The following XIRP2 variants were observed in gnomAD, a reference collection of about 807,000 sequenced individuals.
XIRP2 encodes xin actin binding repeat containing 2.
Under a neutral mutation model 277.0 loss-of-function variants are expected in XIRP2, and 236 were observed. The observed-to-expected ratio is 0.85, with a 90% CI of 0.77 to 0.95. XIRP2 has a LOEUF of 0.95. Among genes scored for constraint, XIRP2 ranks in the 40% least tolerant of loss-of-function variants. The pLI is 0.00. For missense variants in XIRP2, 4,640 were observed against 4,157.5 expected (o/e 1.12, Z -3.19); for synonymous variants, 1,490 against 1,416.5 (o/e 1.05, Z -1.17).
chr2:167,024,166 C>T (rs1306416103), intron 2 of XIRP2, among the ~76,000 whole-genome samples: 1 of 152,134 alleles, frequency 6.6e-6, no homozygotes, highest in Non-Finnish European at 1.5e-5. Flanking sequence ...AAAGGTCCCT[C>T]ACGTCCCTTT....
chr2:167,025,798 G>T (rs1340117838), intron 2 of XIRP2, among the ~76,000 whole-genome samples: 2 of 152,102 alleles, frequency 1.3e-5, no homozygotes, highest in Admixed American at 1.3e-4. Flanking sequence ...GTTCTAGTTT[G>T]CTTGCACTGT....
chr2:166,926,516 C>G (rs4667938), intron 2 of XIRP2, among the ~76,000 whole-genome samples: 14,236 of 152,166 alleles, frequency 0.094, 964 homozygotes, highest in Admixed American at 0.19. Flanking sequence ...CCTCAATAAT[C>G]TCTGCCTTTA....
chr2:166,986,813 G>C (rs989162338), intron 2 of XIRP2, among the ~76,000 whole-genome samples: 1 of 152,180 alleles, frequency 6.6e-6, no homozygotes, highest in Non-Finnish European at 1.5e-5. Flanking sequence ...TTATACCAGA[G>C]GATGCACAGC....
At chr2:167,169,680 T>C (rs1379132130) in intron 3 of XIRP2, among the ~76,000 whole-genome samples, 1 of 152,198 alleles carries the variant, frequency 6.6e-6, no homozygotes, top group Non-Finnish European at 1.5e-5. Context: ...TGCTTTTAAG[T>C]GGTAAAGTTT....
Position 167,250,887 on chromosome 2 carries a change from T to C in XIRP2, c.9495T>C (p.Ile3165=). 1.2e-6 allele frequency: 2 copies of C among 1,613,268 alleles called. No homozygotes were observed. Among genetic ancestry groups the C allele is most frequent in the South Asian group, 2.2e-5 (2 of 91,036 alleles). ...GGCCCATGTCGCAAAAATCTGAAAT[T>C]CACAGAGCAAACACTTCCCCTTCTC... The part of the protein sequence containing the change: ...PRRPMSQKSE[I]HRANTSPSPP... The change falls in exon 9 of 11, where the codon ATT becomes ATC. Residue 3165 remains isoleucine, a synonymous_variant. Coordinates refer to ENST00000409195, the MANE Select transcript of XIRP2 (RefSeq NM_152381.6).
At chr2:166,996,116 G>A (rs1687214678) in intron 2 of XIRP2, among the ~76,000 whole-genome samples, 1 of 152,086 alleles carries the variant, frequency 6.6e-6, no homozygotes, top group Non-Finnish European at 1.5e-5. Flanking sequence ...TGAGGGCAAG[G>A]GTTGAATCTT....
intron 2 of XIRP2, among the ~76,000 whole-genome samples, chr2:167,045,221 C>T (rs1016114055): frequency 2.6e-5 from 4 of 151,878 alleles, no homozygotes; most frequent in Non-Finnish European, 5.9e-5. Context: ...GAAACTAGAC[C>T]TCCTCCTTTC....
At chr2:166,941,602 A>G (rs1029476449) in intron 2 of XIRP2, among the ~76,000 whole-genome samples, 7 of 152,196 alleles carry the variant, frequency 4.6e-5, no homozygotes, top group Non-Finnish European at 8.8e-5. Flanking sequence ...CTGCCAGCCT[A>G]TCATTCTTAA....
chr2:166,975,563 G>C (rs936764308), intron 2 of XIRP2, among the ~76,000 whole-genome samples: 13 of 152,138 alleles, frequency 8.5e-5, no homozygotes, highest in African/African-American at 3.1e-4. Flanking sequence ...GGGGTCAACA[G>C]TGGATTTTCT....
chr2:167,201,088 C>T (rs111486058), intron 3 of XIRP2, among the ~76,000 whole-genome samples: 39,012 of 149,476 alleles, frequency 0.26, 8,277 homozygotes, highest in African/African-American at 0.59. Context: ...ATCATGCCAC[C>T]GCACTCCAAC....
chr2:166,960,578 T>C (rs1291765229), intron 2 of XIRP2, among the ~76,000 whole-genome samples: 1 of 151,704 alleles, frequency 6.6e-6, no homozygotes, highest in Non-Finnish European at 1.5e-5. Context: ...TTTCAGGAGT[T>C]CACTTCAATT....
intron 2 of XIRP2, among the ~76,000 whole-genome samples, chr2:167,122,688 T>C (rs1344761803): frequency 1.3e-5 from 2 of 152,184 alleles, no homozygotes; most frequent in Non-Finnish European, 2.9e-5. Context: ...CTACTTAGTG[T>C]ACTTGTGAGC....
At chr2:167,009,951 G>T (rs1197683378) in intron 2 of XIRP2, among the ~76,000 whole-genome samples, 1 of 152,072 alleles carries the variant, frequency 6.6e-6, no homozygotes, top group Non-Finnish European at 1.5e-5. Flanking sequence ...GTTCATTATA[G>T]ATTCTGGATA....
intron 2 of XIRP2, among the ~76,000 whole-genome samples, chr2:166,977,686 G>T (rs1686751382): frequency 6.6e-6 from 1 of 152,148 alleles, no homozygotes; most frequent in African/African-American, 2.4e-5. Flanking sequence ...AGGCATTAGA[G>T]TTCAGGCAAC....
intron 2 of XIRP2, among the ~76,000 whole-genome samples, chr2:166,946,142 T>C (rs905222235): frequency 4.6e-5 from 7 of 152,208 alleles, no homozygotes; most frequent in Non-Finnish European, 2.9e-5. Context: ...ATGACAATTA[T>C]GATTTCTAGA....
chr2:167,048,374 G>C (rs1688840456), intron 2 of XIRP2, among the ~76,000 whole-genome samples: 1 of 151,824 alleles, frequency 6.6e-6, no homozygotes, highest in Non-Finnish European at 1.5e-5. Context: ...TTTGATTATA[G>C]AGATCACAGC....
At chr2:166,919,667 T>C (rs1684984991) in intron 2 of XIRP2, among the ~76,000 whole-genome samples, 2 of 152,158 alleles carry the variant, frequency 1.3e-5, no homozygotes, top group South Asian at 2.1e-4. Flanking sequence ...TTAGAAGCAA[T>C]TTTTCCCTCA....
rs567869173 is a variant in XIRP2, at chr2:167,119,211, C to T, written c.409-16698C>T. Among the ~76,000 whole-genome samples, 19 of 152,116 alleles carry T rather than the reference C, an allele frequency of 1.2e-4. 1 individual carries two copies. The highest frequency in any genetic ancestry group is 8.5e-4 in the Admixed American group (13 of 15,256). On this transcript the variant is annotated intron_variant, in intron 2 of 10. Coordinates refer to ENST00000409195, the MANE Select transcript of XIRP2 (RefSeq NM_152381.6). The stretch of plus-strand genomic sequence containing the variant: ...GAAAAGAAGAAAAATAGGAAGCTCA[C>T]GAAAGGAAACTAGATTTTTTCCCCT...
rs751309591 is a variant in XIRP2 at position 167,072,635 on chromosome 2, CTA to C, written c.409-63272_409-63271del. Among the ~76,000 whole-genome samples the C allele has an allele frequency of 9.2e-5, 14 of 152,172 alleles. 1 individual carries two copies. Among genetic ancestry groups the C allele is most frequent in the Non-Finnish European group, 1.8e-4 (12 of 68,018 alleles). ...ACTCAATAAATACTTCATTTGAACT[CTA>C]TGTTCTCTCAAATCAAAAGCTTCCC... On this transcript the variant is annotated intron_variant, in intron 2 of 10. Coordinates refer to ENST00000409195, the MANE Select transcript of XIRP2 (RefSeq NM_152381.6).
Sources: allele counts gnomAD v4.1 joint callset (sites outside exome capture counted in the v4.1 genomes callset), GRCh38; gene constraint gnomAD v4.1.1; transcripts MANE v1.5; gene names NCBI Gene and HGNC (gene_info 2026-07-23, HGNC 2026-07-21).